Variants in KLHL12 observed in about 807,000 individuals in gnomAD.
The protein encoded by KLHL12 is kelch-like protein 12.
Under a neutral mutation model 60.8 loss-of-function variants are expected in KLHL12, and 17 were observed. That is an observed-to-expected ratio of 0.28 (90% CI 0.19 to 0.42). KLHL12 has a LOEUF of 0.42. Ranked by LOEUF, KLHL12 falls within the 10% of genes least tolerant of loss-of-function variation. The pLI, the probability that KLHL12 is intolerant of heterozygous loss-of-function variation, is 1.00. For synonymous variants in KLHL12, 220 were observed against 250.9 expected, an observed-to-expected ratio of 0.88 and a Z score of 1.16; for missense variants, 468 against 722.3, an observed-to-expected ratio of 0.65 and a Z score of 4.04.
intron 2 of KLHL12, among the ~76,000 whole-genome samples, chr1:202,924,303 T>TA: frequency 6.6e-6 from 1 of 152,374 alleles, no homozygotes; most frequent in Middle Eastern, 3.4e-3. Context: ...AGCTATTCAT[T>TA]AAAAACTCTT....
intron 4 of KLHL12, chr1:202,915,108 T>G (rs1305561223): frequency 6.6e-6 from 1 of 152,192 alleles, no homozygotes. Flanking sequence ...ACAATACATT[T>G]TCACAAAGAA....
chr1:202,915,618 G>T (rs1409618231), intron 4 of KLHL12, among the ~76,000 whole-genome samples: 1 of 152,144 alleles, frequency 6.6e-6, no homozygotes, highest in African/African-American at 2.4e-5. Flanking sequence ...ATTATTTCCT[G>T]ATTTGGACAA....
At chr1:202,912,301 C>A in intron 4 of KLHL12, 1 of 841,428 alleles carries the variant, frequency 1.2e-6, no homozygotes, top group South Asian at 1.3e-5. Flanking sequence ...AATAAGACTG[C>A]CATTCAGAAA....
intron 3 of KLHL12, 61 bp downstream of exon 3, chr1:202,919,694 T>C (rs953692070): frequency 4.0e-6 from 6 of 1,486,100 alleles, no homozygotes; most frequent in Non-Finnish European, 4.6e-6. Context: ...TTTACACTAT[T>C]AATTTTCAAC....
intron 6 of KLHL12, among the ~76,000 whole-genome samples, chr1:202,899,758 G>GGTT (rs1659947857): frequency 6.6e-6 from 1 of 151,252 alleles, no homozygotes; most frequent in East Asian, 1.9e-4. Context: ...CTGAGGAAGA[G>GGTT]GTTGCAGTGA....
chr1:202,897,228 CTTTTTTTTTT>C lies in KLHL12; in HGVS notation c.833-278_833-269del, dbSNP rs11305071. Among the ~76,000 whole-genome samples, 14 of 82,280 alleles carry C rather than the reference CTTTTTTTTTT, an allele frequency of 1.7e-4. No homozygotes were observed. The South Asian group carries it at 6.1e-3, about 36-fold the overall frequency. The allele number at this position is 82,280 out of a possible 152,430, so 54.0% of individuals were successfully genotyped here. On this transcript the variant is annotated intron_variant, in intron 6 of 11. Coordinates refer to ENST00000367261, the MANE Select transcript of KLHL12 (RefSeq NM_021633.4). ...ACATGACACTGCACCATTTCTTTTT[CTTTTTTTTTT>C]TTTTTTTTTTTTTGGAGACAGAGTT...
intron 9 of KLHL12, 144 bp from the exon 10 acceptor site, chr1:202,894,426 T>C (rs1659767743): frequency 3.4e-6 from 3 of 885,166 alleles, no homozygotes; most frequent in Admixed American, 2.2e-5. Context: ...TCTGACATTA[T>C]GCTTATAAGA....
At chr1:202,917,567 C>A (rs1660560918) in intron 4 of KLHL12, among the ~76,000 whole-genome samples, 2 of 152,194 alleles carry the variant, frequency 1.3e-5, no homozygotes, top group Non-Finnish European at 2.9e-5. Context: ...TGCATCCTCA[C>A]AAGACAGTTA....
chr1:202,904,331 C>G (rs1295410545), intron 6 of KLHL12, among the ~76,000 whole-genome samples: 1 of 152,078 alleles, frequency 6.6e-6, no homozygotes, highest in Non-Finnish European at 1.5e-5. Flanking sequence ...AAGGGTTGTT[C>G]CAAACCTATG....
chr1:202,896,752 T>G, intron 7 of KLHL12, 102 bp downstream of exon 7: 1 of 873,916 alleles, frequency 1.1e-6, no homozygotes, highest in Non-Finnish European at 1.9e-6. Flanking sequence ...AACATCCTGT[T>G]ATTAGGCTTT....
chr1:202,897,228 C>CTTTTTTTTTTTTTTTTTTTTTTTTTTTTT (rs11305071), intron 6 of KLHL12, among the ~76,000 whole-genome samples: 2 of 82,262 alleles, frequency 2.4e-5, no homozygotes, highest in Non-Finnish European at 4.6e-5. Context: ...ATTTCTTTTT[C>CTTTTTTTTTTTTTTTTTTTTTTTTTTTTT]TTTTTTTTTT....
In KLHL12 at chr1:202,896,961, C is replaced by CT; in HGVS notation, c.833-2dup. On this transcript the variant is annotated splice_acceptor_variant, in intron 6 of 11. Coordinates refer to ENST00000367261, the MANE Select transcript of KLHL12 (RefSeq NM_021633.4). LOFTEE classifies it high-confidence loss of function. ...ACCACCAAAAGCACTTCATTGGCTCCTGAAGACAAAGGCAGAAAAAAGATG... is the reference window on the plus strand; with the variant it reads ...ACCACCAAAAGCACTTCATTGGCTCCTTGAAGACAAAGGCAGAAAAAAGATG... The CT allele has an allele frequency of 1.2e-6, 2 of 1,613,588 alleles. No homozygotes were observed. Among genetic ancestry groups the CT allele is most frequent in the Non-Finnish European group, 1.7e-6 (2 of 1,179,536 alleles).
chr1:202,916,692 G>A (rs1660531773), intron 4 of KLHL12, among the ~76,000 whole-genome samples: 1 of 152,114 alleles, frequency 6.6e-6, no homozygotes, highest in Non-Finnish European at 1.5e-5. Context: ...TCAGGAGAGA[G>A]TAATCATTTA....
At chr1:202,904,917 TC>T (rs1481184681) in intron 6 of KLHL12, among the ~76,000 whole-genome samples, 1 of 152,200 alleles carries the variant, frequency 6.6e-6, no homozygotes, top group African/African-American at 2.4e-5. Flanking sequence ...TAACTAAAAA[TC>T]CCTTATTTGG....
intron 4 of KLHL12, among the ~76,000 whole-genome samples, chr1:202,913,918 C>T (rs1306191198): frequency 1.3e-5 from 2 of 152,184 alleles, no homozygotes; most frequent in African/African-American, 2.4e-5. Flanking sequence ...AACAGCAACA[C>T]GGGGCTAGCG....
intron 6 of KLHL12, among the ~76,000 whole-genome samples, chr1:202,901,346 G>C (rs1660001060): frequency 6.6e-6 from 1 of 151,964 alleles, no homozygotes; most frequent in Non-Finnish European, 1.5e-5. Context: ...GCTCACCACA[G>C]CATCGACCTC....
At chr1:202,921,763 A>C (rs923459499) in intron 2 of KLHL12, among the ~76,000 whole-genome samples, 2 of 152,172 alleles carry the variant, frequency 1.3e-5, no homozygotes, top group Non-Finnish European at 2.9e-5. Flanking sequence ...ATTTTACTAG[A>C]TCTTAATCTT....
Position 202,927,191 on chromosome 1 carries a change from G to A in KLHL12, c.-148C>T, listed in dbSNP as rs1474590264. The A allele has an allele frequency of 4.1e-6, 4 of 984,800 alleles. No individual in the cohort carries two copies. The highest frequency in any genetic ancestry group is 1.8e-5 in the African/African-American group (1 of 57,036). The allele number at this position is 984,800 out of a possible 1,614,324, so 61.0% of individuals were successfully genotyped here. A position where few individuals can be genotyped will look rare whatever the true frequency, so the allele number is the denominator to read the frequency against. On this transcript the variant is annotated 5_prime_UTR_variant, in exon 1 of 12. Coordinates refer to ENST00000367261, the MANE Select transcript of KLHL12 (RefSeq NM_021633.4). ...GCGGCTCGGGAGGAGCCGAAGCGCC[G>A]CCCAGACCCGGAGGCTCTGGAGGCT...
At chr1:202,896,179 G>C (rs1403686560) in intron 7 of KLHL12, among the ~76,000 whole-genome samples, 4 of 152,082 alleles carry the variant, frequency 2.6e-5, no homozygotes, top group Non-Finnish European at 5.9e-5. Flanking sequence ...GACATGCTGA[G>C]GGAGACAGAT....
Sources: allele counts gnomAD v4.1 joint callset (sites outside exome capture counted in the v4.1 genomes callset), GRCh38; gene constraint gnomAD v4.1.1; transcripts MANE v1.5; gene names NCBI Gene and HGNC (gene_info 2026-07-23, HGNC 2026-07-21).